The following STK24 variants were observed in gnomAD, a reference collection of about 807,000 sequenced individuals.
STK24 encodes serine/threonine-protein kinase 24.
STK24 carries 21 observed loss-of-function variants against 55.6 expected under a neutral mutation model. The observed-to-expected ratio is 0.38, with a 90% CI of 0.27 to 0.54. The LOEUF is 0.54. Among genes scored for constraint, STK24 ranks in the 20% least tolerant of loss-of-function variants. The probability of loss-of-function intolerance (pLI) is 0.79; values close to 1 mark genes in which losing one functional copy is unlikely to be tolerated. For missense variants in STK24, 383 were observed against 538.4 expected, an observed-to-expected ratio of 0.71 and a Z score of 2.86; for synonymous variants, 200 against 215.2, an observed-to-expected ratio of 0.93 and a Z score of 0.62.
At chr13:98,573,598 T>C (rs1897797428) in intron 1 of STK24, among the ~76,000 whole-genome samples, 2 of 152,206 alleles carry the variant, frequency 1.3e-5, no homozygotes, top group Non-Finnish European at 2.9e-5. Flanking sequence ...ACCCCTCCCC[T>C]AGGACCTGGC....
chr13:98,576,851 G>A lies in STK24; in HGVS notation c.-65C>T, dbSNP rs1399484139. 2.9e-6 allele frequency: 3 copies of A among 1,042,812 alleles called. No homozygotes were observed. The highest frequency in any genetic ancestry group is 3.5e-6 in the Non-Finnish European group (3 of 866,248). The allele number at this position is 1,042,812 out of a possible 1,614,324, so 64.6% of individuals were successfully genotyped here. A position where few individuals can be genotyped will look rare whatever the true frequency, so the allele number is the denominator to read the frequency against. On this transcript the variant is annotated 5_prime_UTR_variant, in exon 1 of 11. Transcript: ENST00000539966. ...GCCGCGACGATCCGCGCGGGGCGGC[G>A]AGGCCCGCGGGCCGCGCGCAGCCCT...
At chr13:98,540,920 C>T (rs1896869966) in intron 1 of STK24, among the ~76,000 whole-genome samples, 1 of 151,956 alleles carries the variant, frequency 6.6e-6, no homozygotes, top group African/African-American at 2.4e-5. Flanking sequence ...ATAAGTTTTA[C>T]TAGGAGTCTG....
chr13:98,485,876 G>C (rs1271816907), intron 2 of STK24, among the ~76,000 whole-genome samples: 1 of 152,182 alleles, frequency 6.6e-6, no homozygotes, highest in African/African-American at 2.4e-5. Context: ...GGCACTTCTG[G>C]GGCTCTCTTC....
chr13:98,470,738 C>A (rs1474592961), intron 5 of STK24, among the ~76,000 whole-genome samples: 3 of 152,180 alleles, frequency 2.0e-5, no homozygotes, highest in Non-Finnish European at 4.4e-5. Context: ...CAACAGCATC[C>A]TACATCTTCA....
rs370978818 is a variant in STK24, at chr13:98,571,663, CAACT to C, written c.42+5078_42+5081del. ...TTTGTTTTTTTGACACTTACATAGG[CAACT>C]AACTAACAAAACAGTAACTAACAGT... On this transcript the variant is annotated intron_variant, in intron 1 of 10. Transcript: ENST00000539966. Among the ~76,000 whole-genome samples the C allele has an allele frequency of 6.5e-4, 99 of 152,230 alleles. 1 individual carries two copies. In the South Asian group the frequency reaches 7.9e-3, roughly 12 times the overall value.
chr13:98,494,892 G>A (rs1446183478), intron 2 of STK24, among the ~76,000 whole-genome samples: 5 of 152,194 alleles, frequency 3.3e-5, no homozygotes, highest in Non-Finnish European at 5.9e-5. Context: ...AAGGGTCTGC[G>A]ACCCATGGAG....
At chr13:98,464,228 T>C (rs920987843) in intron 6 of STK24, among the ~76,000 whole-genome samples, 2 of 151,940 alleles carry the variant, frequency 1.3e-5, no homozygotes, top group Non-Finnish European at 2.9e-5. Context: ...CCACCCTGGC[T>C]AACATGGTGA....
intron 1 of STK24, among the ~76,000 whole-genome samples, chr13:98,548,115 T>C (rs771863807): frequency 6.6e-6 from 1 of 152,180 alleles, no homozygotes; most frequent in South Asian, 2.1e-4. Context: ...CACCTCCACC[T>C]CTTACAAGTT....
In STK24 at chr13:98,546,810, T is replaced by C. The variant is rs536344967; in HGVS notation, c.43-27337A>G. The stretch of plus-strand genomic sequence containing the variant: ...AAAAAGGCCAGAACACATGAACTCC[T>C]TGTGTTTGTCATGTGGACTCCAGTT... On this transcript the variant is annotated intron_variant, in intron 1 of 10. Coordinates refer to ENST00000539966, the MANE Select transcript of STK24 (RefSeq NM_001032296.4). 1.3e-3 allele frequency among the ~76,000 whole-genome samples: 198 copies of C among 152,214 alleles called. 3 individuals carry two copies. The South Asian group carries it at 0.016, about 12-fold the overall frequency.
At chr13:98,462,935 C>A (rs552818487) in intron 7 of STK24, among the ~76,000 whole-genome samples, 16 of 152,306 alleles carry the variant, frequency 1.1e-4, no homozygotes, top group African/African-American at 3.8e-4. Context: ...TGTTGCTACC[C>A]CAGCAATCTC....
chr13:98,522,126 G>C (rs931748522), intron 1 of STK24: 3 of 1,249,196 alleles, frequency 2.4e-6, no homozygotes, highest in Admixed American at 4.0e-5. Flanking sequence ...TGTCGTGTCT[G>C]AGCCTTGTCA....
chr13:98,533,987 G>A (rs889840024), intron 1 of STK24, among the ~76,000 whole-genome samples: 1 of 152,220 alleles, frequency 6.6e-6, no homozygotes, highest in African/African-American at 2.4e-5. Flanking sequence ...GTTAAACAAA[G>A]GCTCTGAGGC....
chr13:98,537,140 G>C (rs1333237752), intron 1 of STK24, among the ~76,000 whole-genome samples: 2 of 152,200 alleles, frequency 1.3e-5, no homozygotes, highest in East Asian at 3.9e-4. Flanking sequence ...AGCCTACACT[G>C]TGACCCCCTC....
At chr13:98,572,711 T>C (rs960016802) in intron 1 of STK24, among the ~76,000 whole-genome samples, 1 of 152,208 alleles carries the variant, frequency 6.6e-6, no homozygotes, top group African/African-American at 2.4e-5. Context: ...GACAGGATGA[T>C]GTTAACAAGA....
At chr13:98,572,820 GC>G (rs1897777358) in intron 1 of STK24, among the ~76,000 whole-genome samples, 2 of 152,156 alleles carry the variant, frequency 1.3e-5, no homozygotes, top group Non-Finnish European at 2.9e-5. Flanking sequence ...AATTAACCAG[GC>G]CCTGCAATAT....
chr13:98,472,195 T>A lies in STK24; in HGVS notation c.597+2626A>T, dbSNP rs1375790983. Among the ~76,000 whole-genome samples the A allele has an allele frequency of 2.0e-5, 3 of 152,204 alleles. No homozygotes were observed. In the East Asian group the frequency reaches 5.8e-4, roughly 29 times the overall value. ...AAATCTCAGCCCTAAGGCCCCAGCG[T>A]GAAACCCCACTTCTGAGAACTTTGA... On this transcript the variant is annotated intron_variant, in intron 5 of 10. Coordinates refer to ENST00000539966, the MANE Select transcript of STK24 (RefSeq NM_001032296.4).
chr13:98,445,899 C>T lies in STK24; in HGVS notation c.*7274G>A. ...ACAGGGACCCCAAGATGCCCCACAGCAAGTGACAAGGGGAAGTGATGAGAT... is the reference window on the plus strand; with the variant it reads ...ACAGGGACCCCAAGATGCCCCACAGTAAGTGACAAGGGGAAGTGATGAGAT... On this transcript the variant is annotated 3_prime_UTR_variant, in exon 11 of 11. Coordinates refer to ENST00000539966, the MANE Select transcript of STK24 (RefSeq NM_001032296.4). The T allele has an allele frequency of 1.9e-6, 1 of 535,118 alleles. No homozygotes were observed. The highest frequency in any genetic ancestry group is 3.2e-5 in the East Asian group (1 of 30,902). The allele number at this position is 535,118 out of a possible 1,614,324, so 33.1% of individuals were successfully genotyped here.
intron 2 of STK24, among the ~76,000 whole-genome samples, chr13:98,483,726 G>T (rs373762524): frequency 1.3e-5 from 2 of 152,182 alleles, no homozygotes; most frequent in African/African-American, 4.8e-5. Flanking sequence ...AAGTGCTCAG[G>T]GACAGCGCTG....
At chr13:98,536,850 C>T (rs12585994) in intron 1 of STK24, among the ~76,000 whole-genome samples, 1,493 of 148,286 alleles carry the variant, frequency 0.01, 46 homozygotes, top group East Asian at 0.1. Flanking sequence ...CTCCAGCTGT[C>T]CGGCTGCCAC....
Sources: gnomAD v4.1 joint callset for allele counts (sites outside exome capture counted in the v4.1 genomes callset) on GRCh38, gnomAD v4.1.1 for gene constraint, MANE v1.5 for transcripts, NCBI Gene and HGNC (gene_info 2026-07-23, HGNC 2026-07-21) for gene names.